RAMP3: variants seen among roughly 807,000 people sequenced by gnomAD.
The protein encoded by RAMP3 is receptor activity-modifying protein 3.
A neutral mutation model predicts 13.5 loss-of-function variants in RAMP3; 14 were observed. The observed-to-expected ratio is 1.04, with a 90% CI of 0.69 to 1.63. The LOEUF (loss-of-function observed/expected upper bound fraction) is 1.63, where lower values mean the gene tolerates loss of function less well. Among genes scored for constraint, RAMP3 ranks in the 40% most tolerant of loss-of-function variants. RAMP3 has a pLI of 0.00. For synonymous variants in RAMP3, 106 were observed against 88.3 expected, an observed-to-expected ratio of 1.20 and a Z score of -1.12; for missense variants, 200 against 204.8, an observed-to-expected ratio of 0.98 and a Z score of 0.14.
At chr7:45,167,645 C>T (rs55959000) in intron 1 of RAMP3, among the ~76,000 whole-genome samples, 39,633 of 151,052 alleles carry the variant, frequency 0.26, 6,306 homozygotes, top group African/African-American at 0.44. Context: ...CTCACCGCAA[C>T]CTCCGCCTCC....
rs180940421 is a variant in RAMP3, at chr7:45,172,414, G to A, written c.59-4895G>A. On this transcript the variant is annotated intron_variant, in intron 1 of 2. Coordinates refer to ENST00000242249, the MANE Select transcript of RAMP3 (RefSeq NM_005856.3). ...TTTTCTTGAATAACCTTCTTCATTT[G>A]ATGTGTGCCCTTAGGATGAGCTTCT... is the stretch of plus-strand genomic sequence containing the variant. 2.0e-5 allele frequency among the ~76,000 whole-genome samples: 3 copies of A among 152,284 alleles called. No individual in the cohort carries two copies. The East Asian group carries it at 5.8e-4, about 29-fold the overall frequency.
In RAMP3 at chr7:45,183,438, A is replaced by C; in HGVS notation, c.*26A>C. 2 of 1,603,834 alleles carry C rather than the reference A, an allele frequency of 1.2e-6. No homozygotes were observed. The highest frequency in any genetic ancestry group is 1.7e-6 in the Non-Finnish European group (2 of 1,176,138). On this transcript the variant is annotated 3_prime_UTR_variant, in exon 3 of 3. Transcript: ENST00000242249. ...GGGTCCCGGTGAGATGGAGTGGGTCACACCTGGCAAGCTGGAAGAAAGTTC... is the reference window on the plus strand; with the variant it reads ...GGGTCCCGGTGAGATGGAGTGGGTCCCACCTGGCAAGCTGGAAGAAAGTTC...
chr7:45,181,432 G>A (rs1001800047), intron 2 of RAMP3, among the ~76,000 whole-genome samples: 7 of 152,218 alleles, frequency 4.6e-5, no homozygotes, highest in Non-Finnish European at 5.9e-5. Context: ...CTGTAGACTC[G>A]CTGTCCACAG....
chr7:45,169,856 A>G (rs560734524), intron 1 of RAMP3, among the ~76,000 whole-genome samples: 1 of 152,364 alleles, frequency 6.6e-6, no homozygotes, highest in South Asian at 2.1e-4. Flanking sequence ...TTTCCAAGTA[A>G]GGTCAGAATC....
chr7:45,160,003 A>G (rs10269869), intron 1 of RAMP3, among the ~76,000 whole-genome samples: 50,468 of 152,086 alleles, frequency 0.33, 11,374 homozygotes, highest in African/African-American at 0.64. Context: ...CCCAAGGGCC[A>G]TGGTTGGATA....
At chr7:45,177,117 C>T (rs1185920528) in intron 1 of RAMP3, among the ~76,000 whole-genome samples, 192 bp from the exon 2 acceptor site, 2 of 152,214 alleles carry the variant, frequency 1.3e-5, no homozygotes, top group African/African-American at 4.8e-5. Context: ...GGGGACAGGT[C>T]CCTGTGTGGA....
intron 1 of RAMP3, 33 bp from the exon 2 acceptor site, chr7:45,177,276 G>A (rs377750022): frequency 7.3e-5 from 118 of 1,613,466 alleles, no homozygotes; most frequent in Non-Finnish European, 9.8e-5. Context: ...AGTGTGAACT[G>A]TAGTGGAATT....
intron 1 of RAMP3, 79 bp from the exon 2 acceptor site, chr7:45,177,230 T>G: frequency 6.3e-7 from 1 of 1,581,476 alleles, no homozygotes; most frequent in Non-Finnish European, 8.6e-7. Context: ...GTACTCAAGT[T>G]ATGGCCCCTT....
intron 1 of RAMP3, among the ~76,000 whole-genome samples, chr7:45,165,279 A>G (rs1037183485): frequency 2.6e-5 from 4 of 152,182 alleles, no homozygotes; most frequent in African/African-American, 9.6e-5. Context: ...GCTGTCATAT[A>G]TTTTATTTAA....
At chr7:45,172,975 C>T (rs1299710263) in intron 1 of RAMP3, among the ~76,000 whole-genome samples, 2 of 152,210 alleles carry the variant, frequency 1.3e-5, no homozygotes, top group Non-Finnish European at 2.9e-5. Flanking sequence ...GGTCCCATTC[C>T]TCCTACTTGG....
intron 1 of RAMP3, among the ~76,000 whole-genome samples, chr7:45,165,803 T>G (rs569617060): frequency 6.6e-6 from 1 of 152,362 alleles, no homozygotes; most frequent in East Asian, 1.9e-4. Flanking sequence ...TGTGAGATTT[T>G]GTGACTGGCT....
At chr7:45,159,929 T>C (rs780142004) in intron 1 of RAMP3, among the ~76,000 whole-genome samples, 3 of 152,206 alleles carry the variant, frequency 2.0e-5, no homozygotes, top group Non-Finnish European at 4.4e-5. Context: ...ATCGTTTTTA[T>C]CATTAAATGA....
At chr7:45,167,129 T>C (rs1207982749) in intron 1 of RAMP3, among the ~76,000 whole-genome samples, 1 of 152,222 alleles carries the variant, frequency 6.6e-6, no homozygotes, top group East Asian at 1.9e-4. Flanking sequence ...GGCTAATTTT[T>C]TGTACTTTTA....
At position 45,183,585 on chromosome 7, in the gene RAMP3, C is replaced by G; in HGVS notation, c.*173C>G. 2 of 912,114 alleles carry G rather than the reference C, an allele frequency of 2.2e-6. No individual in the cohort carries two copies. The highest frequency in any genetic ancestry group is 3.3e-6 in the Non-Finnish European group (2 of 608,410). 56.5% of individuals were successfully genotyped at this position (912,114 alleles called of 1,614,324 possible). A position where few individuals can be genotyped will look rare whatever the true frequency, so the allele number is the denominator to read the frequency against. ...CTGCTCCCTCGAGGCCAGCCTGCTC[C>G]CTGGCTGAGGCTCAGGCTATCCGCC... On this transcript the variant is annotated 3_prime_UTR_variant, in exon 3 of 3. Transcript: ENST00000242249.
intron 2 of RAMP3, 88 bp downstream of exon 2, chr7:45,177,529 C>G: frequency 6.4e-7 from 1 of 1,570,272 alleles, no homozygotes; most frequent in Non-Finnish European, 8.7e-7. Context: ...TGACCGCACT[C>G]TACCCAAGGC....
intron 1 of RAMP3, chr7:45,163,084 G>A: frequency 2.3e-6 from 2 of 865,326 alleles, no homozygotes; most frequent in Non-Finnish European, 2.8e-6. Flanking sequence ...TTGACCCCAT[G>A]TCTGAATCAC....
chr7:45,167,323 T>C (rs1345791263), intron 1 of RAMP3, among the ~76,000 whole-genome samples: 2 of 152,180 alleles, frequency 1.3e-5, no homozygotes, highest in Non-Finnish European at 2.9e-5. Context: ...CTTTGGCAAG[T>C]GTATATCCAG....
At chr7:45,178,893 C>T (rs762802168) in intron 2 of RAMP3, among the ~76,000 whole-genome samples, 1 of 152,166 alleles carries the variant, frequency 6.6e-6, no homozygotes, top group Non-Finnish European at 1.5e-5. Flanking sequence ...TGACTGAGTG[C>T]CCTTGGTGAA....
chr7:45,183,029 C>T (rs938996935), intron 2 of RAMP3, 128 bp from the exon 3 acceptor site: 1 of 1,310,594 alleles, frequency 7.6e-7, no homozygotes, highest in East Asian at 2.4e-5. Flanking sequence ...TTTTCCAAGG[C>T]TGGGCTGTGA....
Sources: gnomAD v4.1 joint callset for allele counts (sites outside exome capture counted in the v4.1 genomes callset) on GRCh38, gnomAD v4.1.1 for gene constraint, MANE v1.5 for transcripts, NCBI Gene and HGNC (gene_info 2026-07-23, HGNC 2026-07-21) for gene names.